Variants in UTRN observed in about 807,000 individuals in gnomAD.
UTRN encodes the protein utrophin, also known as dystrophin-related protein 1.
In UTRN, 283 loss-of-function variants were observed where a neutral mutation model predicts 463.9. That is an observed-to-expected ratio of 0.61 (90% CI 0.55 to 0.67). The LOEUF is 0.67. Among genes scored for constraint, UTRN ranks in the 30% least tolerant of loss-of-function variants. The probability of loss-of-function intolerance (pLI) is 0.00; values close to 1 mark genes in which losing one functional copy is unlikely to be tolerated. For missense variants in UTRN, 3,922 were observed against 4,084.3 expected (o/e 0.96, Z 1.08); for synonymous variants, 1,442 against 1,431.5 (o/e 1.01, Z -0.17).
chr6:144,364,134 G>C (rs1180742100), intron 2 of UTRN, among the ~76,000 whole-genome samples: 1 of 152,174 alleles, frequency 6.6e-6, no homozygotes, highest in Non-Finnish European at 1.5e-5. Context: ...ATTAAATTGA[G>C]TTATGGCAAA....
Position 144,626,578 on chromosome 6 carries a change from A to G in UTRN, c.7479+49290A>G, listed in dbSNP as rs374024713. ...GGTTTGCACATGTCCACAGCTGCCT[A>G]CAGGCCACTCAGTTTCCCCCAACAC... On this transcript the variant is annotated intron_variant, in intron 51 of 74. Transcript: ENST00000367545. 4.5e-4 allele frequency among the ~76,000 whole-genome samples: 68 copies of G among 152,332 alleles called. 2 individuals are homozygous for G. The highest frequency in any genetic ancestry group is 1.5e-3 in the African/African-American group (64 of 41,586).
At chr6:144,755,485 G>A (rs574537042) in intron 57 of UTRN, among the ~76,000 whole-genome samples, 7 of 152,160 alleles carry the variant, frequency 4.6e-5, no homozygotes, top group South Asian at 2.1e-4. Flanking sequence ...TCATTCTGTC[G>A]CTTACCAGAC....
chr6:144,851,274 G>T lies in UTRN; in HGVS notation c.*277G>T. The T allele has an allele frequency of 2.0e-6, 1 of 498,842 alleles. No homozygotes were observed. Among genetic ancestry groups the T allele is most frequent in the Non-Finnish European group, 3.6e-6 (1 of 277,840 alleles). The allele number at this position is 498,842 out of a possible 1,614,324, so 30.9% of individuals were successfully genotyped here. On this transcript the variant is annotated 3_prime_UTR_variant, in exon 75 of 75. Coordinates refer to ENST00000367545, the MANE Select transcript of UTRN (RefSeq NM_007124.3). ...GGTATTTGGAAATGGTAATACATTT[G>T]TCACGGATTTGTATAATGTATACAG...
At chr6:144,372,995 T>A (rs1439586998) in intron 2 of UTRN, among the ~76,000 whole-genome samples, 1 of 152,210 alleles carries the variant, frequency 6.6e-6, no homozygotes, top group Non-Finnish European at 1.5e-5. Context: ...CCCACTGGTA[T>A]GGCTGTAATA....
chr6:144,408,319 T>C (rs767291750), intron 3 of UTRN, among the ~76,000 whole-genome samples: 7 of 152,172 alleles, frequency 4.6e-5, no homozygotes, highest in Non-Finnish European at 7.4e-5. Flanking sequence ...AGCCGGCCGG[T>C]CTCCCAAGGG....
intron 72 of UTRN, 55 bp from the exon 73 acceptor site, chr6:144,840,685 G>A: frequency 6.3e-7 from 1 of 1,591,288 alleles, no homozygotes. Flanking sequence ...GGTTTTAGTG[G>A]AAGGCTAGAC....
chr6:144,733,750 A>G (rs1789039723), intron 54 of UTRN, among the ~76,000 whole-genome samples: 1 of 152,152 alleles, frequency 6.6e-6, no homozygotes, highest in Non-Finnish European at 1.5e-5. Flanking sequence ...AGAGCCTTAG[A>G]GATGAACTAG....
chr6:144,801,654 G>C (rs894627864), intron 64 of UTRN, among the ~76,000 whole-genome samples: 1 of 152,120 alleles, frequency 6.6e-6, no homozygotes, highest in Non-Finnish European at 1.5e-5. Flanking sequence ...GCTGGGAATT[G>C]TTTCAGTTAG....
In UTRN at chr6:144,742,477, AAG is replaced by A. The variant is rs71656703; in HGVS notation, c.7940-5759_7940-5758del. 3.3e-3 allele frequency among the ~76,000 whole-genome samples: 504 copies of A among 152,280 alleles called. 18 individuals are homozygous for A. In the East Asian group the frequency reaches 0.078, roughly 24 times the overall value. ...CAGAAACATCTTTTGGTCATGAGGA[AAG>A]AGAGAGAGAAATAGGAGGGGGGTAA... On this transcript the variant is annotated intron_variant, in intron 54 of 74. Transcript: ENST00000367545.
At chr6:144,372,522 T>C (rs1261377367) in intron 2 of UTRN, among the ~76,000 whole-genome samples, 1 of 151,578 alleles carries the variant, frequency 6.6e-6, no homozygotes, top group Non-Finnish European at 1.5e-5. Flanking sequence ...TGAGATGGAG[T>C]CTTGCTTTGT....
At chr6:144,824,507 T>TAGTATATATACACATATACAATAAATA (rs1562954459) in intron 66 of UTRN, among the ~76,000 whole-genome samples, 4 of 113,198 alleles carry the variant, frequency 3.5e-5, no homozygotes, top group Non-Finnish European at 5.6e-5. Flanking sequence ...TATGTATATA[T>TAGTATATATACACATATACAATAAATA]TGTATATATA....
At chr6:144,814,398 A>G (rs371239876) in intron 65 of UTRN, among the ~76,000 whole-genome samples, 1 of 152,222 alleles carries the variant, frequency 6.6e-6, no homozygotes, top group South Asian at 2.1e-4. Context: ...CACTCAGTCT[A>G]TAGTATTCTG....
intron 35 of UTRN, among the ~76,000 whole-genome samples, chr6:144,512,518 G>T (rs1349662095): frequency 5.3e-5 from 8 of 150,972 alleles, no homozygotes; most frequent in Non-Finnish European, 4.4e-5. Flanking sequence ...GGGGTACAAG[G>T]GCAAGTTTGT....
chr6:144,436,013 G>A lies in UTRN; in HGVS notation c.934G>A (p.Asp312Asn). The change falls in exon 10 of 75, where the codon GAC (aspartate) becomes AAC (asparagine). Residue 312 changes from aspartate (D) to asparagine (N), a missense_variant. Around this residue, in one of 3 missense-constraint regions of UTRN, gnomAD observed 2,349 missense variants for 2,303.8 expected, o/e 1.02. Transcript: ENST00000367545. ...TGTCACTGAGGTTGACATGGATCTG[G>A]ACAGCTATCAGATTGCGTTGGAGGA... ...STVTEVDMDL[D>N]SYQIALEEVL... 6.2e-7 allele frequency: 1 copy of A among 1,614,232 alleles called. No homozygotes were observed. The highest frequency in any genetic ancestry group is 8.5e-7 in the Non-Finnish European group (1 of 1,180,042).
chr6:144,582,724 C>T (rs1039182721), intron 51 of UTRN, among the ~76,000 whole-genome samples: 2 of 152,186 alleles, frequency 1.3e-5, no homozygotes, highest in African/African-American at 4.8e-5. Flanking sequence ...TCCTTCTAGG[C>T]AGGCAGATGA....
In UTRN at chr6:144,630,045, A is replaced by G. The variant is rs564575422; in HGVS notation, c.7480-48361A>G. ...CTAAAAATACAAAAAAAAATTAGCC[A>G]GGCGTGGTGGTGGGTGCCTGTAGTC... On this transcript the variant is annotated intron_variant, in intron 51 of 74. Transcript: ENST00000367545. Among the ~76,000 whole-genome samples, 351 of 152,088 alleles carry G rather than the reference A, an allele frequency of 2.3e-3. 3 individuals carry two copies. The highest frequency in any genetic ancestry group is 8.2e-3 in the African/African-American group (339 of 41,468).
chr6:144,545,003 T>C (rs1798276555), intron 46 of UTRN, among the ~76,000 whole-genome samples: 1 of 152,176 alleles, frequency 6.6e-6, no homozygotes, highest in African/African-American at 2.4e-5. Flanking sequence ...TCCTCTAAAT[T>C]CTCTTTTCTA....
chr6:144,487,486 A>G (rs746882759), intron 28 of UTRN, 62 bp from the exon 29 acceptor site: 6 of 1,409,550 alleles, frequency 4.3e-6, no homozygotes, highest in South Asian at 1.7e-5. Context: ...CATTTTGGGG[A>G]TCCTTGATAC....
intron 51 of UTRN, among the ~76,000 whole-genome samples, chr6:144,638,640 T>C (rs750884813): frequency 2.0e-5 from 3 of 152,162 alleles, no homozygotes; most frequent in Non-Finnish European, 2.9e-5. Context: ...GTTTGGAAAA[T>C]TACATCAGAA....
Sources: gnomAD v4.1 joint callset for allele counts (sites outside exome capture counted in the v4.1 genomes callset) on GRCh38, gnomAD v4.1.1 for gene constraint, gnomAD v4.1.1 regional missense constraint, MANE v1.5 for transcripts, NCBI Gene and HGNC (gene_info 2026-07-23, HGNC 2026-07-21) for gene names.